Variants in SLC24A2 observed in about 807,000 individuals in gnomAD.
SLC24A2 encodes solute carrier family 24 member 2.
In SLC24A2, 36 loss-of-function variants were observed where a neutral mutation model predicts 62.0. That is an observed-to-expected ratio of 0.58 (90% CI 0.44 to 0.77). The LOEUF (loss-of-function observed/expected upper bound fraction) is 0.77, where lower values mean the gene tolerates loss of function less well. SLC24A2 is among the 30% of genes least tolerant of loss of function. The pLI is 0.00. For missense variants in SLC24A2, 846 were observed against 817.9 expected (o/e 1.03, Z -0.42); for synonymous variants, 358 against 294.0 (o/e 1.22, Z -2.23).
At chr9:20,162,085 A>G in the SLC24A2 span, among the ~76,000 whole-genome samples, 1 of 151,732 alleles carries the variant, frequency 6.6e-6, no homozygotes, top group Non-Finnish European at 1.5e-5. Flanking sequence ...ATATAAAATT[A>G]ACCTATAAAA....
chr9:20,175,202 AG>A, the SLC24A2 span, among the ~76,000 whole-genome samples: 4 of 152,064 alleles, frequency 2.6e-5, no homozygotes, highest in Admixed American at 6.6e-5. Flanking sequence ...TGAAGACATA[AG>A]AATGATACAA....
At chr9:19,584,001 C>T (rs979238640) in intron 5 of SLC24A2, among the ~76,000 whole-genome samples, 3 of 152,138 alleles carry the variant, frequency 2.0e-5, no homozygotes, top group Admixed American at 6.5e-5. Context: ...GGAAACCCAA[C>T]ATTCTCATGG....
chr9:19,887,122 T>C, the SLC24A2 span, among the ~76,000 whole-genome samples: 3 of 152,014 alleles, frequency 2.0e-5, no homozygotes, highest in African/African-American at 7.3e-5. Context: ...AGGTGATGAG[T>C]TGATAGGTGC....
At chr9:20,209,965 A>T in the SLC24A2 span, among the ~76,000 whole-genome samples, 1 of 152,238 alleles carries the variant, frequency 6.6e-6, no homozygotes, top group Non-Finnish European at 1.5e-5. Context: ...TCAATACCTC[A>T]AGTGAAAGAA....
intron 2 of SLC24A2, among the ~76,000 whole-genome samples, chr9:19,758,977 G>A (rs1187585047): frequency 2.0e-5 from 3 of 152,110 alleles, no homozygotes; most frequent in African/African-American, 7.2e-5. Context: ...AAAAGTGCTT[G>A]CCTAACTCTT....
chr9:19,932,501 G>A, the SLC24A2 span, among the ~76,000 whole-genome samples: 1 of 152,192 alleles, frequency 6.6e-6, no homozygotes, highest in African/African-American at 2.4e-5. Context: ...CTATTAAAAT[G>A]ACATCTTGCA....
chr9:19,841,035 T>C, the SLC24A2 span, among the ~76,000 whole-genome samples: 1 of 152,132 alleles, frequency 6.6e-6, no homozygotes. Context: ...TTATGAACCA[T>C]AGACTTTTCA....
At chr9:19,673,011 A>C (rs1272271050) in intron 2 of SLC24A2, among the ~76,000 whole-genome samples, 1 of 146,336 alleles carries the variant, frequency 6.8e-6, no homozygotes, top group Non-Finnish European at 1.5e-5. Context: ...TATATTCTGC[A>C]GTTGTTGGGT....
chr9:19,947,106 G>A, the SLC24A2 span, among the ~76,000 whole-genome samples: 2 of 152,186 alleles, frequency 1.3e-5, no homozygotes, highest in Non-Finnish European at 2.9e-5. Context: ...ATCAGACTGT[G>A]AGATGGTCGA....
chr9:20,068,571 C>T, the SLC24A2 span, among the ~76,000 whole-genome samples: 4 of 152,112 alleles, frequency 2.6e-5, no homozygotes, highest in Non-Finnish European at 5.9e-5. Context: ...TGGTAACATT[C>T]AAGCTAAGTC....
At chr9:19,792,536 CAAAAAAAAA>C (rs1165695410), upstream of SLC24A2, among the ~76,000 whole-genome samples, 43 of 74,594 alleles carry the variant, frequency 5.8e-4, no homozygotes, top group Middle Eastern at 8.8e-3. Flanking sequence ...ACTAAAAATA[CAAAAAAAAA>C]AAAAAAAAAA....
intron 7 of SLC24A2, among the ~76,000 whole-genome samples, chr9:19,560,944 G>GAGACAGACAGACAGAC (rs1554677554): frequency 7.0e-6 from 1 of 143,118 alleles, no homozygotes; most frequent in African/African-American, 2.6e-5. Context: ...GAGAGAGAGA[G>GAGACAGACAGACAGAC]AGACAGAGTC....
chr9:19,602,259 G>T (rs1836862061), intron 4 of SLC24A2, among the ~76,000 whole-genome samples: 1 of 152,190 alleles, frequency 6.6e-6, no homozygotes, highest in Non-Finnish European at 1.5e-5. Context: ...AACATTGGAA[G>T]TGCTCAAGCT....
At chr9:19,792,159 G>A (rs1823326491), upstream of SLC24A2, among the ~76,000 whole-genome samples, 1 of 152,130 alleles carries the variant, frequency 6.6e-6, no homozygotes, top group Admixed American at 6.5e-5. Flanking sequence ...TTTAAAATAG[G>A]TTAGGAATAT....
At chr9:19,699,269 T>C (rs1241583722) in intron 2 of SLC24A2, among the ~76,000 whole-genome samples, 1 of 152,206 alleles carries the variant, frequency 6.6e-6, no homozygotes, top group Non-Finnish European at 1.5e-5. Flanking sequence ...TCAGTGTGGC[T>C]GTAATCTGTA....
At chr9:19,845,006 T>C in the SLC24A2 span, among the ~76,000 whole-genome samples, 1 of 152,092 alleles carries the variant, frequency 6.6e-6, no homozygotes, top group African/African-American at 2.4e-5. Context: ...GGCTCTTTTT[T>C]GGTTCCATAT....
chr9:19,973,123 A>AACCC, the SLC24A2 span, among the ~76,000 whole-genome samples: 3 of 152,196 alleles, frequency 2.0e-5, no homozygotes, highest in Non-Finnish European at 2.9e-5. Flanking sequence ...GGATTGCCTG[A>AACCC]ACCCAGGTGT....
At chr9:19,805,664 G>A in the SLC24A2 span, among the ~76,000 whole-genome samples, 1 of 151,908 alleles carries the variant, frequency 6.6e-6, no homozygotes, top group Non-Finnish European at 1.5e-5. Context: ...CATAGTGAGC[G>A]ATCAAAACAA....
intron 8 of SLC24A2, among the ~76,000 whole-genome samples, chr9:19,549,808 A>C (rs946671731): frequency 6.6e-6 from 1 of 152,208 alleles, no homozygotes; most frequent in Non-Finnish European, 1.5e-5. Flanking sequence ...TTCTTGATCG[A>C]CAGGATCCAA....
Sources: gnomAD v4.1 joint callset for allele counts (sites outside exome capture counted in the v4.1 genomes callset) on GRCh38, gnomAD v4.1.1 for gene constraint, MANE v1.5 for transcripts, NCBI Gene and HGNC (gene_info 2026-07-23, HGNC 2026-07-21) for gene names.